CUX1: variants seen among roughly 807,000 people sequenced by gnomAD.
The protein encoded by CUX1 is cut like homeobox 1, also known as protein CASP.
In CUX1, 31 loss-of-function variants were observed where a neutral mutation model predicts 158.8. The observed-to-expected ratio is 0.20, with a 90% confidence interval of 0.15 to 0.26. CUX1 has a LOEUF of 0.26. CUX1 is among the 10% of genes least tolerant of loss of function. CUX1 has a pLI of 1.00. For synonymous variants in CUX1, 879 were observed against 862.1 expected, an observed-to-expected ratio of 1.02 and a Z score of -0.34; for missense variants, 1,589 against 2,014.6, an observed-to-expected ratio of 0.79 and a Z score of 4.04.
chr7:102,076,333 C>T (rs1031365935), intron 4 of CUX1, among the ~76,000 whole-genome samples: 3 of 151,462 alleles, frequency 2.0e-5, no homozygotes, highest in Non-Finnish European at 1.5e-5. Context: ...TGCAGTGAGC[C>T]GAGATTGTAC....
At chr7:102,282,107 TG>T (rs1792120263) in intron 21 of CUX1, among the ~76,000 whole-genome samples, 1 of 151,974 alleles carries the variant, frequency 6.6e-6, no homozygotes, top group African/African-American at 2.4e-5. Context: ...CCCACCCCAT[TG>T]GGACCTCTGG....
chr7:102,216,619 CCACACACACA>C (rs138340390), intron 20 of CUX1, among the ~76,000 whole-genome samples: 2 of 73,932 alleles, frequency 2.7e-5, no homozygotes. Context: ...CACACACTCC[CCACACACACA>C]CCCCCACACA....
chr7:101,817,381 C>T (rs1584623403), upstream of CUX1: 2 of 984,700 alleles, frequency 2.0e-6, no homozygotes, highest in South Asian at 9.4e-5. The surrounding 1 kb of genome is among the most constrained non-coding windows in gnomAD (Gnocchi z 4.1). Flanking sequence ...CCTTCTCGGG[C>T]CGGGTTCTCG....
At chr7:102,081,827 T>C (rs1827449954) in intron 4 of CUX1, among the ~76,000 whole-genome samples, 1 of 146,310 alleles carries the variant, frequency 6.8e-6, no homozygotes, top group African/African-American at 2.4e-5. Flanking sequence ...AGTTTCACCG[T>C]GTTGGCCAAG....
At position 102,178,651 on chromosome 7, in the gene CUX1, A is replaced by G. The variant is rs374020928; in HGVS notation, c.1011A>G (p.Thr337=). The change falls in exon 11 of 24, where the codon ACA becomes ACG. Residue 337 remains threonine, a synonymous_variant. Transcript: ENST00000292535. ...LEQQLSAKNS[T]LKQLEEKLKG... The stretch of plus-strand genomic sequence containing the variant: ...AGCAGCTGAGCGCCAAAAACAGCAC[A>G]CTCAAAGTAAGGGGGCTGCGGGGCC... 1.2e-6 allele frequency: 2 copies of G among 1,607,912 alleles called. No homozygotes were observed. The highest frequency in any genetic ancestry group is 1.7e-6 in the Non-Finnish European group (2 of 1,176,922).
At chr7:102,195,116 CAAAA>C (rs35700064) in intron 13 of CUX1, among the ~76,000 whole-genome samples, 3 of 123,352 alleles carry the variant, frequency 2.4e-5, no homozygotes, top group Non-Finnish European at 1.7e-5. Flanking sequence ...TTGTGGCTGG[CAAAA>C]AAAAAAAAAA....
At chr7:101,866,956 C>T (rs1470044355) in intron 1 of CUX1, among the ~76,000 whole-genome samples, 4 of 152,234 alleles carry the variant, frequency 2.6e-5, no homozygotes, top group Non-Finnish European at 5.9e-5. Context: ...CATGGTGGCT[C>T]ACGCCTGTAA....
In CUX1 at chr7:102,195,496, G is replaced by A. The variant is rs781853899; in HGVS notation, c.1126-11G>A. 2.5e-6 allele frequency: 4 copies of A among 1,607,972 alleles called. No homozygotes were observed. In the Admixed American group the frequency reaches 6.7e-5, roughly 27 times the overall value. On this transcript the variant is annotated splice_polypyrimidine_tract_variant and intron_variant, in intron 13 of 23. Transcript: ENST00000292535. ...GGCCCCGCAGTGAGACCCCCGCTCT[G>A]CCCCTTCTAGGATGCGGCCAAGCCC... is the stretch of plus-strand genomic sequence containing the variant.
intron 20 of CUX1, among the ~76,000 whole-genome samples, chr7:102,209,239 A>C (rs915186006): frequency 2.6e-5 from 4 of 152,208 alleles, no homozygotes; most frequent in Admixed American, 6.5e-5. Flanking sequence ...TTTGCCAAAA[A>C]GGAGAGAGAA....
chr7:101,817,773 C>G lies in CUX1; in HGVS notation c.30+104C>G, dbSNP rs762880791. The G allele has an allele frequency of 3.6e-4, 500 of 1,403,352 alleles. No homozygotes were observed. The highest frequency in any genetic ancestry group is 4.6e-4 in the Non-Finnish European group (479 of 1,039,280). 86.9% of individuals were successfully genotyped at this position (1,403,352 alleles called of 1,614,324 possible). On this transcript the variant is annotated intron_variant, in intron 1 of 23. Coordinates refer to ENST00000292535, the MANE Select transcript of CUX1 (RefSeq NM_181552.4). This position sits in a 1 kb window ranked among gnomAD's most constrained non-coding sequence, Gnocchi z 4.1. ...GCGGCTTAGAATGCTCTAGGGCGGC[C>G]TGGTGCTCTGGGAGGGGATAGGAGG...
chr7:102,220,470 G>T (rs1381397978), intron 20 of CUX1, among the ~76,000 whole-genome samples: 5 of 152,228 alleles, frequency 3.3e-5, no homozygotes, highest in Non-Finnish European at 7.3e-5. Context: ...TAGAGCACAG[G>T]GTCAGTTCCG....
chr7:102,204,288 C>A, intron 18 of CUX1, 103 bp from the exon 19 acceptor site: 1 of 1,459,528 alleles, frequency 6.9e-7, no homozygotes, highest in Non-Finnish European at 9.4e-7. Context: ...CAGAAGTCAG[C>A]CCTAGACGCG....
intron 20 of CUX1, among the ~76,000 whole-genome samples, chr7:102,215,474 T>C (rs1427280844): frequency 1.3e-5 from 2 of 152,158 alleles, no homozygotes; most frequent in African/African-American, 4.8e-5. Context: ...GCTGATTGCA[T>C]GATGAATGCA....
chr7:102,029,146 C>T (rs1467603812), intron 3 of CUX1, among the ~76,000 whole-genome samples: 3 of 152,130 alleles, frequency 2.0e-5, no homozygotes, highest in Admixed American at 2.0e-4. Flanking sequence ...GTGTGCACCA[C>T]CACACCCAGC....
intron 3 of CUX1, among the ~76,000 whole-genome samples, chr7:102,055,699 A>G (rs1002090739): frequency 8.1e-4 from 123 of 152,354 alleles, no homozygotes; most frequent in African/African-American, 2.8e-3. Flanking sequence ...TAATCCTGCA[A>G]TGGCCTATTA....
At position 102,046,569 on chromosome 7, in the gene CUX1, A is replaced by ATT. The variant is rs55753644; in HGVS notation, c.189+18450_189+18451dup. Among the ~76,000 whole-genome samples the ATT allele has an allele frequency of 2.2e-4, 12 of 55,478 alleles. 1 individual carries two copies. Among genetic ancestry groups the ATT allele is most frequent in the South Asian group, 7.2e-4 (1 of 1,382 alleles). 36.4% of individuals were successfully genotyped at this position (55,478 alleles called of 152,430 possible). ...CCTGTTCTGTTTTGGTTTGGTTTGGATTTTTTTTTTTTTTTTTTTTTTTTT... is the reference window on the plus strand; with the variant it reads ...CCTGTTCTGTTTTGGTTTGGTTTGGATTTTTTTTTTTTTTTTTTTTTTTTTTT... On this transcript the variant is annotated intron_variant, in intron 3 of 23. Coordinates refer to ENST00000292535, the MANE Select transcript of CUX1 (RefSeq NM_181552.4).
At chr7:102,096,616 G>A (rs782031642) in intron 4 of CUX1, among the ~76,000 whole-genome samples, 12 of 152,278 alleles carry the variant, frequency 7.9e-5, no homozygotes, top group Admixed American at 5.2e-4. Flanking sequence ...TGAGGTGGGA[G>A]GATTGCTTGA....
At chr7:102,088,119 TCC>T (rs1235931270) in intron 4 of CUX1, among the ~76,000 whole-genome samples, 6 of 151,954 alleles carry the variant, frequency 3.9e-5, no homozygotes, top group Non-Finnish European at 8.8e-5. Flanking sequence ...TGACTCAGCC[TCC>T]CCAGTAACTG....
intron 1 of CUX1, among the ~76,000 whole-genome samples, chr7:101,844,635 A>AGACAGTCTCTCTCTCT (rs1335123017): frequency 6.6e-6 from 1 of 151,496 alleles, no homozygotes; most frequent in Non-Finnish European, 1.5e-5. Flanking sequence ...TGTTTTTCCG[A>AGACAGTCTCTCTCTCT]GACAGTCTCT....
Sources: allele counts gnomAD v4.1 joint callset (sites outside exome capture counted in the v4.1 genomes callset), GRCh38; gene constraint gnomAD v4.1.1; non-coding constraint Gnocchi (gnomAD v3.1); transcripts MANE v1.5; gene names NCBI Gene and HGNC (gene_info 2026-07-23, HGNC 2026-07-21).